Variants in ATF7 observed in about 807,000 individuals in gnomAD.
The protein encoded by ATF7 is cyclic AMP-dependent transcription factor ATF-7.
In ATF7, 10 loss-of-function variants were observed where a neutral mutation model predicts 50.4. That is an observed-to-expected ratio of 0.20 (90% CI 0.12 to 0.34). The LOEUF is 0.34. Ranked by LOEUF, ATF7 falls within the 10% of genes least tolerant of loss-of-function variation. The pLI is 1.00. For missense variants in ATF7, 465 were observed against 613.9 expected, an observed-to-expected ratio of 0.76 and a Z score of 2.56; for synonymous variants, 201 against 226.4, an observed-to-expected ratio of 0.89 and a Z score of 1.01.
At chr12:53,609,821 C>CTTTTT (rs757421100) in intron 1 of ATF7, among the ~76,000 whole-genome samples, 1 of 115,960 alleles carries the variant, frequency 8.6e-6, no homozygotes, top group African/African-American at 3.4e-5. Flanking sequence ...AAATGTTATG[C>CTTTTT]TTTTTTTTTT....
chr12:53,572,469 GC>G (rs1941815805), intron 2 of ATF7, among the ~76,000 whole-genome samples: 1 of 152,156 alleles, frequency 6.6e-6, no homozygotes, highest in African/African-American at 2.4e-5. Flanking sequence ...TCACAGAGGA[GC>G]CCCCACACCG....
Position 53,552,553 on chromosome 12 carries a change from C to T in ATF7, c.133G>A (p.Val45Ile). ...GGGCAGCAAATACCTGCAATGATGA[C>T]TGAGTCAGTTCGGGCTGGGCCAAAT... is the stretch of plus-strand genomic sequence containing the variant. ...LKFGPARTDSVIIADQTPTPT... is the reference protein window; with the variant it reads ...LKFGPARTDSIIIADQTPTPT... Residue 45 changes from valine (V) to isoleucine (I), a missense_variant, in exon 3 of 12, where the codon GTC becomes ATC. By Grantham distance (29) the Val-to-Ile change is conservative. Transcript: ENST00000420353. The T allele has an allele frequency of 6.2e-7, 1 of 1,613,764 alleles. No homozygotes were observed. The highest frequency in any genetic ancestry group is 8.5e-7 in the Non-Finnish European group (1 of 1,179,720).
rs571098746 is a variant in ATF7 at position 53,610,614 on chromosome 12, A to C, written c.-21-9593T>G. ...AAGAATGGACACCACATCTATTTACAACCTCTAAAAAGTTGTCTACTTACA... is the reference window on the plus strand; with the variant it reads ...AAGAATGGACACCACATCTATTTACCACCTCTAAAAAGTTGTCTACTTACA... On this transcript the variant is annotated intron_variant, in intron 1 of 11. Transcript: ENST00000420353. Among the ~76,000 whole-genome samples the C allele has an allele frequency of 6.6e-5, 10 of 152,106 alleles. No individual in the cohort carries two copies. In the East Asian group the frequency reaches 1.9e-3, roughly 29 times the overall value.
Position 53,600,957 on chromosome 12 carries a change from C to G in ATF7, c.44G>C (p.Gly15Ala), listed in dbSNP as rs1565589173. ...TAAAGTATATTGTAAACGTACCTGTCCACAGCCCGGGGCATTGCACACAAA... is the reference window on the plus strand; with the variant it reads ...TAAAGTATATTGTAAACGTACCTGTGCACAGCCCGGGGCATTGCACACAAA... ...RPFVCNAPGC[G>A]QRFTNEDHLA... Residue 15 changes from glycine (G) to alanine (A), a missense_variant, in exon 2 of 12, where the codon GGA becomes GCA. Transcript: ENST00000420353. 1.2e-6 allele frequency: 2 copies of G among 1,613,260 alleles called. No individual in the cohort carries two copies. Among genetic ancestry groups the G allele is most frequent in the East Asian group, 2.2e-5 (1 of 44,868 alleles).
At position 53,600,526 on chromosome 12, in the gene ATF7, G is replaced by A. The variant is rs574871191; in HGVS notation, c.48+427C>T. ...CAGCTAATTTTGTATTTTTAGTAGA[G>A]ATGGGGTTTTGGCCAGGCTGGTCTC... On this transcript the variant is annotated intron_variant, in intron 2 of 11. Coordinates refer to ENST00000420353, the MANE Select transcript of ATF7 (RefSeq NM_006856.3). Among the ~76,000 whole-genome samples, 401 of 152,226 alleles carry A rather than the reference G, an allele frequency of 2.6e-3. 1 individual carries two copies. Among genetic ancestry groups the A allele is most frequent in the Non-Finnish European group, 4.9e-3 (335 of 68,012 alleles).
intron 4 of ATF7, among the ~76,000 whole-genome samples, chr12:53,538,165 G>A (rs1418365217): frequency 3.2e-4 from 48 of 152,066 alleles, no homozygotes; most frequent in Admixed American, 3.1e-3. Flanking sequence ...AAAAAAAGAT[G>A]CCATTTAAAT....
At chr12:53,510,954 A>G (rs1944116098), downstream of ATF7, among the ~76,000 whole-genome samples, 1 of 152,204 alleles carries the variant, frequency 6.6e-6, no homozygotes, top group Non-Finnish European at 1.5e-5. Flanking sequence ...GCTCCTGGCC[A>G]CAACACAGTG....
At chr12:53,561,034 C>T (rs925894365) in intron 2 of ATF7, among the ~76,000 whole-genome samples, 3 of 149,786 alleles carry the variant, frequency 2.0e-5, no homozygotes, top group Non-Finnish European at 3.0e-5. Flanking sequence ...TAACCTCAAA[C>T]TCTTAGACTC....
At chr12:53,534,426 C>G in intron 6 of ATF7, 76 bp downstream of exon 6, 1 of 1,582,232 alleles carries the variant, frequency 6.3e-7, no homozygotes, top group Middle Eastern at 1.7e-4. Flanking sequence ...GGAAAACAGT[C>G]CCAGTTTTAT....
intron 5 of ATF7, 27 bp from the exon 6 acceptor site, chr12:53,534,686 A>G: frequency 3.1e-6 from 5 of 1,604,740 alleles, no homozygotes; most frequent in Non-Finnish European, 4.2e-6. Flanking sequence ...AACAGATCAC[A>G]AAATGTTTTA....
chr12:53,612,427 T>A (rs1490709110), intron 1 of ATF7, among the ~76,000 whole-genome samples: 2 of 152,024 alleles, frequency 1.3e-5, no homozygotes, highest in African/African-American at 4.8e-5. Context: ...GCGTGTGCCA[T>A]CACGCCCGGC....
intron 2 of ATF7, among the ~76,000 whole-genome samples, chr12:53,572,340 C>T (rs1340398904): frequency 6.6e-6 from 1 of 152,166 alleles, no homozygotes; most frequent in African/African-American, 2.4e-5. Context: ...AGCAGAAACC[C>T]ATGAGCTGAA....
downstream of ATF7, among the ~76,000 whole-genome samples, chr12:53,510,942 G>A (rs1944115887): frequency 6.6e-6 from 1 of 152,190 alleles, no homozygotes; most frequent in African/African-American, 2.4e-5. Flanking sequence ...GGACACCCAT[G>A]TGCTCCTGGC....
chr12:53,593,077 T>C (rs1176403348), intron 2 of ATF7, among the ~76,000 whole-genome samples: 2 of 152,096 alleles, frequency 1.3e-5, no homozygotes, highest in Non-Finnish European at 2.9e-5. Context: ...CTCCAGAGCA[T>C]GGGGCTTTTC....
At chr12:53,541,016 C>G (rs1251209775) in intron 4 of ATF7, among the ~76,000 whole-genome samples, 1 of 152,126 alleles carries the variant, frequency 6.6e-6, no homozygotes, top group Non-Finnish European at 1.5e-5. Flanking sequence ...AGGTGTGAAC[C>G]ACCAGGCCTC....
intron 1 of ATF7, among the ~76,000 whole-genome samples, chr12:53,602,119 G>T (rs2137829011): frequency 6.6e-6 from 1 of 152,138 alleles, no homozygotes; most frequent in South Asian, 2.1e-4. Flanking sequence ...AGAGAAAAAT[G>T]GAGTGGGGGG....
At chr12:53,545,839 C>T (rs551314309) in intron 3 of ATF7, among the ~76,000 whole-genome samples, 7 of 151,990 alleles carry the variant, frequency 4.6e-5, no homozygotes, top group Admixed American at 2.0e-4. Context: ...CGGATCCCCC[C>T]TTGAGCTCAG....
intron 2 of ATF7, among the ~76,000 whole-genome samples, chr12:53,594,887 C>CAA (rs561674660): frequency 3.1e-5 from 3 of 97,818 alleles, no homozygotes; most frequent in South Asian, 3.2e-4. Flanking sequence ...GACCCCATCT[C>CAA]AAAAAAAAAA....
At chr12:53,531,640 A>T (rs1457582927) in intron 9 of ATF7, 104 bp downstream of exon 9, 6 of 1,292,940 alleles carry the variant, frequency 4.6e-6, no homozygotes, top group Non-Finnish European at 6.1e-6. Context: ...GAAGAAACCC[A>T]GAAAGCTGAA....
Sources: gnomAD v4.1 joint callset for allele counts (sites outside exome capture counted in the v4.1 genomes callset) on GRCh38, gnomAD v4.1.1 for gene constraint, MANE v1.5 for transcripts, NCBI Gene and HGNC (gene_info 2026-07-23, HGNC 2026-07-21) for gene names.